ADAMTSL1: variants seen among roughly 807,000 people sequenced by gnomAD.
ADAMTSL1 encodes ADAMTS like 1, also known as ADAMTS-like protein 1.
In ADAMTSL1, 126 loss-of-function variants were observed where a neutral mutation model predicts 201.8. The ratio of observed to expected loss-of-function variants is 0.62; its 90% CI spans 0.54 to 0.72. The LOEUF is 0.72. ADAMTSL1 is among the 30% of genes least tolerant of loss of function. ADAMTSL1 has a pLI of 0.00. For synonymous variants in ADAMTSL1, 1,121 were observed against 903.4 expected, an observed-to-expected ratio of 1.24 and a Z score of -4.32; for missense variants, 2,679 against 2,277.8, an observed-to-expected ratio of 1.18 and a Z score of -3.59.
At chr9:18,545,434 G>C (rs921602989) in intron 3 of ADAMTSL1, among the ~76,000 whole-genome samples, 2 of 152,032 alleles carry the variant, frequency 1.3e-5, no homozygotes, top group Non-Finnish European at 2.9e-5. Context: ...AAAAGTTTAA[G>C]GCTCAAGCAT....
chr9:18,702,766 G>T (rs552295), intron 13 of ADAMTSL1, among the ~76,000 whole-genome samples: 67 of 149,208 alleles, frequency 4.5e-4, no homozygotes, highest in African/African-American at 9.9e-4. Context: ...AACAAAAAGA[G>T]TTTTTTTTTT....
chr9:18,147,262 A>T (rs1451664959), intron 1 of ADAMTSL1, among the ~76,000 whole-genome samples: 4 of 152,106 alleles, frequency 2.6e-5, no homozygotes, highest in Non-Finnish European at 5.9e-5. Context: ...TTTTGATATA[A>T]GTTAGGAATG....
chr9:18,465,606 C>A (rs1229177832), intron 2 of ADAMTSL1, among the ~76,000 whole-genome samples: 3 of 152,178 alleles, frequency 2.0e-5, no homozygotes, highest in Admixed American at 6.5e-5. Flanking sequence ...TTAGTGAGAA[C>A]TGTGTCACAT....
At chr9:18,791,827 G>A (rs974118766) in intron 19 of ADAMTSL1, among the ~76,000 whole-genome samples, 3 of 152,026 alleles carry the variant, frequency 2.0e-5, no homozygotes, top group Non-Finnish European at 4.4e-5. Context: ...TTCCATTGCC[G>A]CTACTCCTAT....
intron 13 of ADAMTSL1, among the ~76,000 whole-genome samples, chr9:18,686,681 C>G (rs965489758): frequency 3.9e-5 from 6 of 152,244 alleles, no homozygotes; most frequent in African/African-American, 1.4e-4. Context: ...AAGCGTAATC[C>G]TATGTATAAT....
intron 2 of ADAMTSL1, among the ~76,000 whole-genome samples, chr9:18,228,047 A>G (rs545011544): frequency 4.9e-4 from 75 of 152,342 alleles, no homozygotes; most frequent in Non-Finnish European, 9.0e-4. Flanking sequence ...AACTAACAAC[A>G]TAACTGAAAT....
chr9:18,182,869 T>C (rs973122759), intron 2 of ADAMTSL1, among the ~76,000 whole-genome samples: 1 of 152,312 alleles, frequency 6.6e-6, no homozygotes, highest in South Asian at 2.1e-4. Context: ...CTGCACTATA[T>C]GCTGCCTCTA....
chr9:18,413,642 C>T (rs1015386410), intron 2 of ADAMTSL1, among the ~76,000 whole-genome samples: 5 of 152,128 alleles, frequency 3.3e-5, no homozygotes, highest in Admixed American at 1.3e-4. Context: ...AGTATATTGA[C>T]TTATGATTTG....
intron 1 of ADAMTSL1, among the ~76,000 whole-genome samples, chr9:18,128,238 A>G (rs1242854437): frequency 6.6e-6 from 1 of 152,202 alleles, no homozygotes; most frequent in African/African-American, 2.4e-5. Context: ...AGAAAATTGC[A>G]TTTTATTTCC....
rs138420126 is a variant in ADAMTSL1 at position 18,405,049 on chromosome 9, G to A, written c.208-99780G>A. 3.1e-3 allele frequency among the ~76,000 whole-genome samples: 468 copies of A among 152,044 alleles called. 2 individuals carry two copies. The highest frequency in any genetic ancestry group is 0.011 in the African/African-American group (442 of 41,474). ...CCTTTATTTCCAGCGCTAGACCTCCGCAACTGGCCCCTAAATACCTGACGT... is the reference window on the plus strand; with the variant it reads ...CCTTTATTTCCAGCGCTAGACCTCCACAACTGGCCCCTAAATACCTGACGT... On this transcript the variant is annotated intron_variant, in intron 2 of 29. Coordinates refer to the ADAMTSL1 transcript ENST00000680146.
intron 2 of ADAMTSL1, among the ~76,000 whole-genome samples, chr9:18,226,839 A>G (rs1266408635): frequency 6.6e-6 from 1 of 152,118 alleles, no homozygotes; most frequent in African/African-American, 2.4e-5. Context: ...AAAATTAATA[A>G]TAGTAATGAA....
intron 7 of ADAMTSL1, among the ~76,000 whole-genome samples, chr9:18,648,490 C>G (rs1463451801): frequency 6.6e-6 from 1 of 152,052 alleles, no homozygotes; most frequent in Non-Finnish European, 1.5e-5. Context: ...TCTTGATGGT[C>G]TTTACATTTT....
chr9:18,067,248 A>G lies in ADAMTSL1; in HGVS notation c.88-96614A>G, dbSNP rs574242427. On this transcript the variant is annotated intron_variant, in intron 1 of 29. Transcript: ENST00000680146. ...TCAAGTTATTTAATCTTTTTGTGCT[A>G]ACTTTCTCGTTGTTAAGGTCACAAT... 5.9e-5 allele frequency among the ~76,000 whole-genome samples: 9 copies of G among 152,286 alleles called. No individual in the cohort carries two copies. In the East Asian group the frequency reaches 1.5e-3, roughly 26 times the overall value.
At chr9:18,541,735 C>T (rs576993202) in intron 3 of ADAMTSL1, among the ~76,000 whole-genome samples, 7 of 152,148 alleles carry the variant, frequency 4.6e-5, no homozygotes, top group African/African-American at 1.2e-4. Context: ...ATAAAAATAT[C>T]GTTCTAATAT....
At chr9:18,891,271 C>A (rs1829250162) in intron 25 of ADAMTSL1, among the ~76,000 whole-genome samples, 1 of 152,226 alleles carries the variant, frequency 6.6e-6, no homozygotes, top group African/African-American at 2.4e-5. Flanking sequence ...ACAAGTGTTG[C>A]CCTGGTTGTC....
At chr9:18,669,418 A>G (rs1829673689) in intron 9 of ADAMTSL1, among the ~76,000 whole-genome samples, 1 of 152,240 alleles carries the variant, frequency 6.6e-6, no homozygotes, top group Non-Finnish European at 1.5e-5. Context: ...ACTCTTCAGT[A>G]TTTAGTTTAT....
intron 15 of ADAMTSL1, among the ~76,000 whole-genome samples, chr9:18,736,923 C>T (rs1818529499): frequency 6.6e-6 from 1 of 152,162 alleles, no homozygotes; most frequent in South Asian, 2.1e-4. Flanking sequence ...CCAAAACCCT[C>T]CTCTGTAAGC....
At chr9:18,132,149 A>G (rs1310906507) in intron 1 of ADAMTSL1, among the ~76,000 whole-genome samples, 1 of 152,108 alleles carries the variant, frequency 6.6e-6, no homozygotes, top group East Asian at 1.9e-4. Context: ...ACCAAACAAG[A>G]TGCCCTACTT....
chr9:18,372,635 T>C (rs1837096494), intron 2 of ADAMTSL1, among the ~76,000 whole-genome samples: 1 of 152,196 alleles, frequency 6.6e-6, no homozygotes, highest in Admixed American at 6.5e-5. Flanking sequence ...TTAATGTGTG[T>C]TCACCAACAT....
Sources: allele counts gnomAD v4.1 joint callset (sites outside exome capture counted in the v4.1 genomes callset), GRCh38; gene constraint gnomAD v4.1.1; transcripts MANE v1.5; gene names NCBI Gene and HGNC (gene_info 2026-07-23, HGNC 2026-07-21).